Variants in ZCCHC2 observed in about 807,000 individuals in gnomAD.
ZCCHC2 encodes zinc finger CCHC-type containing 2, also known as zinc finger CCHC domain-containing protein 2.
In ZCCHC2, 39 loss-of-function variants were observed where a neutral mutation model predicts 103.6. That is an observed-to-expected ratio of 0.38 (90% CI 0.29 to 0.49). The LOEUF is 0.49. ZCCHC2 is among the 20% of genes least tolerant of loss of function. The probability of loss-of-function intolerance (pLI) is 0.96; values close to 1 mark genes in which losing one functional copy is unlikely to be tolerated. For missense variants in ZCCHC2, 1,483 were observed against 1,491.0 expected (o/e 0.99, Z 0.09); for synonymous variants, 687 against 608.9 (o/e 1.13, Z -1.89).
At chr18:62,579,699 C>G (rs377499245), downstream of ZCCHC2, among the ~76,000 whole-genome samples, 1 of 152,106 alleles carries the variant, frequency 6.6e-6, no homozygotes, top group Non-Finnish European at 1.5e-5. Context: ...ACTAAGGTAA[C>G]CACTGCTTTA....
chr18:62,528,369 C>T (rs1378677464), intron 1 of ZCCHC2, among the ~76,000 whole-genome samples: 5 of 151,974 alleles, frequency 3.3e-5, no homozygotes, highest in Non-Finnish European at 4.4e-5. Flanking sequence ...CCGAGGTGGG[C>T]GGATCACGAG....
intron 8 of ZCCHC2, among the ~76,000 whole-genome samples, chr18:62,562,210 C>CA (rs1916146075): frequency 6.6e-6 from 1 of 152,138 alleles, no homozygotes. Context: ...CTATGTTGGC[C>CA]AGGATGGTCT....
chr18:62,574,976 C>G lies in ZCCHC2; in HGVS notation c.2895C>G (p.Thr965=). 6.2e-7 allele frequency: 1 copy of G among 1,613,958 alleles called. No homozygotes were observed. The highest frequency in any genetic ancestry group is 8.5e-7 in the Non-Finnish European group (1 of 1,179,884). The part of the protein sequence containing the change: ...ATVPPAVPTH[T]PGPAPSPSPA... ...TTCCTCCTGCAGTTCCTACCCACAC[C>G]CCAGGCCCTGCCCCGAGCCCAAGCC... Residue 965 remains threonine, a synonymous_variant, in exon 13 of 14, where the codon ACC becomes ACG. Coordinates refer to ENST00000269499, the MANE Select transcript of ZCCHC2 (RefSeq NM_017742.6).
Position 62,544,843 on chromosome 18 carries a change from C to T in ZCCHC2, c.1170C>T (p.Thr390=). ...SDLSVTTVTK[T]HQELQEFLLK... is the part of the protein sequence containing the mutation. ...TTTCAGTCACAACAGTAACAAAAAC[C>T]CACCAAGAACTACAGGAATTTCTAC... The change falls in exon 4 of 14, where the codon ACC becomes ACT. Residue 390 remains threonine, a synonymous_variant. Coordinates refer to ENST00000269499, the MANE Select transcript of ZCCHC2 (RefSeq NM_017742.6). 2 of 1,536,302 alleles carry T rather than the reference C, an allele frequency of 1.3e-6. No homozygotes were observed. The highest frequency in any genetic ancestry group is 1.7e-6 in the Non-Finnish European group (2 of 1,144,116).
At chr18:62,542,050 TTAAATG>T (rs1915213746) in intron 2 of ZCCHC2, among the ~76,000 whole-genome samples, 2 of 152,278 alleles carry the variant, frequency 1.3e-5, no homozygotes, top group South Asian at 4.1e-4. Context: ...TTTAAAAAAA[TTAAATG>T]TAAAACTAGA....
intron 11 of ZCCHC2, among the ~76,000 whole-genome samples, chr18:62,566,787 AG>A: frequency 6.6e-6 from 1 of 152,258 alleles, no homozygotes; most frequent in South Asian, 2.1e-4. Context: ...TTTGTAAAAC[AG>A]GAGTAATGCC....
At chr18:62,567,760 C>T (rs1259901546) in intron 11 of ZCCHC2, among the ~76,000 whole-genome samples, 1 of 151,904 alleles carries the variant, frequency 6.6e-6, no homozygotes, top group Non-Finnish European at 1.5e-5. Context: ...GCCTGGCCAT[C>T]ATGGTGAAAC....
intron 4 of ZCCHC2, among the ~76,000 whole-genome samples, chr18:62,549,280 G>A (rs1262746584): frequency 3.9e-5 from 6 of 152,110 alleles, no homozygotes; most frequent in African/African-American, 1.2e-4. Flanking sequence ...TTCCCACAGC[G>A]GGTGTGTAGA....
intron 7 of ZCCHC2, 126 bp from the exon 8 acceptor site, chr18:62,560,461 A>T (rs1916067888): frequency 3.1e-6 from 2 of 650,682 alleles, no homozygotes; most frequent in South Asian, 5.5e-5. Flanking sequence ...TTCTATGTTG[A>T]GAAATGCTTA....
In ZCCHC2 at chr18:62,565,091, T is replaced by C. The variant is rs749309067; in HGVS notation, c.1841T>C (p.Val614Ala). 6.2e-7 allele frequency: 1 copy of C among 1,610,532 alleles called. No individual in the cohort carries two copies. Among genetic ancestry groups the C allele is most frequent in the Non-Finnish European group, 8.5e-7 (1 of 1,176,994 alleles). The stretch of plus-strand genomic sequence containing the variant: ...CCTCAGCATGCCCATGGTGGTACTG[T>C]GAAAGGTAAGAAGGTTATTTTTCTT... ...STPQHAHGGT[V>A]KDVNLDIGSG... The change falls in exon 11 of 14, where the codon GTG becomes GCG. Residue 614 changes from valine to alanine, a missense_variant. This residue lies in a region of ZCCHC2 where 884 missense variants were observed against 907.5 expected (regional missense o/e 0.97). Transcript: ENST00000269499.
At position 62,548,389 on chromosome 18, in the gene ZCCHC2, C is replaced by T. The variant is rs1038816636; in HGVS notation, c.1201-1959C>T. Among the ~76,000 whole-genome samples, 13 of 152,270 alleles carry T rather than the reference C, an allele frequency of 8.5e-5. No individual in the cohort carries two copies. The East Asian group carries it at 1.2e-3, about 14-fold the overall frequency. ...TGCTTACCTGCAGTCTGCCCAGCAA[C>T]GTGAACAGTGTCACTGAACTGTCAA... On this transcript the variant is annotated intron_variant, in intron 4 of 13. Transcript: ENST00000269499.
chr18:62,585,240 A>G (rs1250221160), exon 15 of ZCCHC2: 1 of 152,268 alleles, frequency 6.6e-6, no homozygotes, highest in African/African-American at 2.4e-5. Context: ...CTCCACTCGC[A>G]CGCTGAGTTG....
chr18:62,576,530 A>G lies in ZCCHC2; in HGVS notation c.3488A>G (p.Tyr1163Cys), dbSNP rs531157654. 17 of 1,613,704 alleles carry G rather than the reference A, an allele frequency of 1.1e-5. No individual in the cohort carries two copies. Among genetic ancestry groups the G allele is most frequent in the Non-Finnish European group, 1.3e-5 (15 of 1,179,796 alleles). ...ATTTTAGGCACTTACAGACTGAGATACGCACCTCCCCTCCCCCCTTCTAAT... is the reference window on the plus strand; with the variant it reads ...ATTTTAGGCACTTACAGACTGAGATGCGCACCTCCCCTCCCCCCTTCTAAT... ...ANQQGTYRLR[Y>C]APPLPPSNDT... is the part of the protein sequence containing the mutation. Residue 1163 changes from tyrosine (Y) to cysteine (C), a missense_variant, in exon 14 of 14, where the codon TAC becomes TGC. Transcript: ENST00000269499.
intron 12 of ZCCHC2, 63 bp from the exon 13 acceptor site, chr18:62,573,994 T>C: frequency 6.7e-7 from 1 of 1,493,678 alleles, no homozygotes; most frequent in East Asian, 2.3e-5. Context: ...TCAATGTTTA[T>C]TTCTAGCAAG....
intron 11 of ZCCHC2, among the ~76,000 whole-genome samples, chr18:62,569,312 C>G (rs533173521): frequency 6.6e-6 from 1 of 152,254 alleles, no homozygotes; most frequent in Non-Finnish European, 1.5e-5. Flanking sequence ...TACCCATTAT[C>G]TTTTACTGGT....
chr18:62,545,938 G>C (rs540335647), intron 4 of ZCCHC2, among the ~76,000 whole-genome samples: 31 of 152,314 alleles, frequency 2.0e-4, no homozygotes, highest in African/African-American at 6.5e-4. Flanking sequence ...GAGGAAGACT[G>C]TCAAAGTGTG....
At chr18:62,579,425 C>G (rs1338681013), downstream of ZCCHC2, among the ~76,000 whole-genome samples, 1 of 152,226 alleles carries the variant, frequency 6.6e-6, no homozygotes, top group Non-Finnish European at 1.5e-5. Context: ...CCACGCCGCC[C>G]TTGACGCAGT....
rs1181007595 is a variant in ZCCHC2, at chr18:62,524,048, C to T, written c.624C>T (p.Ala208=). The T allele has an allele frequency of 2.7e-5, 39 of 1,468,078 alleles. No individual in the cohort carries two copies. Among genetic ancestry groups the T allele is most frequent in the Non-Finnish European group, 3.5e-5 (39 of 1,121,798 alleles). The allele number at this position is 1,468,078 out of a possible 1,614,324, so 90.9% of individuals were successfully genotyped here. A position where few individuals can be genotyped will look rare whatever the true frequency, so the allele number is the denominator to read the frequency against. The change falls in exon 1 of 14, where the codon GCC becomes GCT. Residue 208 remains alanine, a synonymous_variant. Coordinates refer to ENST00000269499, the MANE Select transcript of ZCCHC2 (RefSeq NM_017742.6). ...VDSVLKSLRA[A]RGEGSRGGAE... ...CGGTGCTCAAAAGCCTGCGCGCGGC[C>T]CGGGGCGAGGGCTCGCGGGGCGGCG...
At chr18:62,549,409 A>T (rs2145505797) in intron 4 of ZCCHC2, among the ~76,000 whole-genome samples, 1 of 152,352 alleles carries the variant, frequency 6.6e-6, no homozygotes, top group East Asian at 1.9e-4. Flanking sequence ...TAAGTTTCTC[A>T]TTTCTGAATT....
Sources: gnomAD v4.1 joint callset for allele counts (sites outside exome capture counted in the v4.1 genomes callset) on GRCh38, gnomAD v4.1.1 for gene constraint, gnomAD v4.1.1 regional missense constraint, MANE v1.5 for transcripts, NCBI Gene and HGNC (gene_info 2026-07-23, HGNC 2026-07-21) for gene names.